Variants in DIP2C observed in about 807,000 individuals in gnomAD.
DIP2C encodes DIP2 acetate--CoA ligase C (putative).
DIP2C carries 33 observed loss-of-function variants against 192.4 expected under a neutral mutation model. The observed-to-expected ratio is 0.17, with a 90% CI of 0.13 to 0.23. The LOEUF (loss-of-function observed/expected upper bound fraction) is 0.23, where lower values mean the gene tolerates loss of function less well. Ranked by LOEUF, DIP2C falls within the 10% of genes least tolerant of loss-of-function variation. DIP2C has a pLI of 1.00. For synonymous variants in DIP2C, 979 were observed against 864.1 expected, an observed-to-expected ratio of 1.13 and a Z score of -2.33; for missense variants, 1,537 against 2,110.1, an observed-to-expected ratio of 0.73 and a Z score of 5.32.
intron 32 of DIP2C, among the ~76,000 whole-genome samples, chr10:288,780 T>TC (rs762976945): frequency 8.5e-5 from 13 of 152,202 alleles, no homozygotes; most frequent in Non-Finnish European, 1.3e-4. Flanking sequence ...TGTTGCCTGG[T>TC]CCTCAAGCAC....
At chr10:530,112 C>T (rs1193794807) in intron 1 of DIP2C, among the ~76,000 whole-genome samples, 2 of 152,216 alleles carry the variant, frequency 1.3e-5, no homozygotes, top group African/African-American at 2.4e-5. Context: ...ACTGACAGCC[C>T]GGAGCATCCC....
chr10:435,635 C>G (rs1272384535), intron 4 of DIP2C, among the ~76,000 whole-genome samples: 1 of 152,218 alleles, frequency 6.6e-6, no homozygotes, highest in Non-Finnish European at 1.5e-5. Flanking sequence ...GACCTCATGT[C>G]TCTTGCAGGT....
At chr10:377,923 C>T (rs559772619) in intron 17 of DIP2C, among the ~76,000 whole-genome samples, 5 of 152,226 alleles carry the variant, frequency 3.3e-5, no homozygotes, top group African/African-American at 4.8e-5. Context: ...TTTGTAGTTA[C>T]AAAGCTAAAA....
intron 1 of DIP2C, among the ~76,000 whole-genome samples, chr10:578,338 C>T (rs1383052422): frequency 3.3e-5 from 5 of 152,194 alleles, no homozygotes; most frequent in Non-Finnish European, 5.9e-5. Flanking sequence ...AAAATGAACA[C>T]GTTTCCTGAT....
At chr10:543,662 A>G (rs1173032654) in intron 1 of DIP2C, among the ~76,000 whole-genome samples, 1 of 152,266 alleles carries the variant, frequency 6.6e-6, no homozygotes, top group African/African-American at 2.4e-5. Context: ...CTCTGGGGAC[A>G]TGAGTTACAT....
chr10:311,783 C>A (rs1442001190), intron 31 of DIP2C, among the ~76,000 whole-genome samples: 4 of 152,144 alleles, frequency 2.6e-5, no homozygotes, highest in Non-Finnish European at 4.4e-5. Flanking sequence ...AACCACTGTA[C>A]AAGGCTAAAA....
intron 1 of DIP2C, among the ~76,000 whole-genome samples, chr10:585,123 G>T (rs1051465256): frequency 1.3e-5 from 2 of 152,214 alleles, no homozygotes; most frequent in Non-Finnish European, 2.9e-5. Flanking sequence ...CATTCAAATG[G>T]TAAGGAACAA....
At chr10:410,032 T>TAA (rs1252214997) in intron 8 of DIP2C, among the ~76,000 whole-genome samples, 2 of 152,256 alleles carry the variant, frequency 1.3e-5, no homozygotes, top group African/African-American at 4.8e-5. Context: ...ATCACTGTTT[T>TAA]AATCTTTTCC....
chr10:346,562 C>T (rs1434263105), intron 26 of DIP2C, among the ~76,000 whole-genome samples: 2 of 135,662 alleles, frequency 1.5e-5, no homozygotes, highest in Admixed American at 7.3e-5. Flanking sequence ...AGACACATCG[C>T]GCATAGTTCT....
At chr10:346,545 C>A (rs1958472251) in intron 26 of DIP2C, among the ~76,000 whole-genome samples, 1 of 144,850 alleles carries the variant, frequency 6.9e-6, no homozygotes, top group Non-Finnish European at 1.5e-5. Context: ...CCACACTCAC[C>A]CAACCCAGAC....
intron 24 of DIP2C, among the ~76,000 whole-genome samples, chr10:354,607 A>G (rs1224338285): frequency 6.6e-6 from 1 of 151,946 alleles, no homozygotes; most frequent in East Asian, 1.9e-4. Context: ...ACCCCCACAC[A>G]TGGGAGCAGC....
At chr10:578,686 G>GCA (rs1487874725) in intron 1 of DIP2C, among the ~76,000 whole-genome samples, 2 of 152,180 alleles carry the variant, frequency 1.3e-5, no homozygotes, top group Non-Finnish European at 2.9e-5. Flanking sequence ...TTGCCATAGA[G>GCA]CACACACACA....
intron 1 of DIP2C, among the ~76,000 whole-genome samples, chr10:590,731 A>C (rs1277659555): frequency 6.6e-6 from 1 of 152,234 alleles, no homozygotes; most frequent in Non-Finnish European, 1.5e-5. Context: ...GCTAGAAAGC[A>C]GATTAAAAAT....
At chr10:511,166 T>A (rs1388830076) in intron 1 of DIP2C, among the ~76,000 whole-genome samples, 1 of 152,190 alleles carries the variant, frequency 6.6e-6, no homozygotes, top group African/African-American at 2.4e-5. Context: ...CTGAACACAC[T>A]GTCGCGATGC....
intron 1 of DIP2C, among the ~76,000 whole-genome samples, chr10:677,730 A>G (rs1830922625): frequency 6.6e-6 from 1 of 152,224 alleles, no homozygotes; most frequent in Admixed American, 6.5e-5. Flanking sequence ...GAAAATAAAT[A>G]TTCACACAAC....
In DIP2C at chr10:457,388, A is replaced by AT. The variant is rs1969389237; in HGVS notation, c.268+15050dup. Among the ~76,000 whole-genome samples the AT allele has an allele frequency of 2.6e-5, 4 of 152,074 alleles. No homozygotes were observed. In the South Asian group the frequency reaches 8.3e-4, roughly 32 times the overall value. On this transcript the variant is annotated intron_variant, in intron 3 of 36. Transcript: ENST00000280886. ...GTACCATTTCCACAGCATCTCACAA[A>AT]TTTTGATTCATCATTTTTCACCTGA... is the stretch of plus-strand genomic sequence containing the variant.
chr10:525,510 GAA>G (rs985028042), intron 1 of DIP2C, among the ~76,000 whole-genome samples: 2 of 152,196 alleles, frequency 1.3e-5, no homozygotes, highest in East Asian at 1.9e-4. Context: ...AGTGTTTGAG[GAA>G]AAGTCTTTCT....
intron 1 of DIP2C, among the ~76,000 whole-genome samples, chr10:639,896 T>A (rs1261601747): frequency 6.6e-6 from 1 of 152,116 alleles, no homozygotes; most frequent in Non-Finnish European, 1.5e-5. Flanking sequence ...TTTCCAGATG[T>A]CCCTCCCCCG....
intron 1 of DIP2C, among the ~76,000 whole-genome samples, chr10:661,230 C>T (rs1450753865): frequency 5.9e-5 from 9 of 152,192 alleles, no homozygotes; most frequent in Admixed American, 2.0e-4. Context: ...ACAACCAGTC[C>T]CTGAACAGAG....
Sources: allele counts gnomAD v4.1 joint callset (sites outside exome capture counted in the v4.1 genomes callset), GRCh38; gene constraint gnomAD v4.1.1; transcripts MANE v1.5; gene names NCBI Gene and HGNC (gene_info 2026-07-23, HGNC 2026-07-21).